NFIB: variants seen among roughly 807,000 people sequenced by gnomAD.
The protein encoded by NFIB is nuclear factor I B, also known as nuclear factor 1 B-type.
NFIB carries 11 observed loss-of-function variants against 61.5 expected under a neutral mutation model. That is an observed-to-expected ratio of 0.18 (90% CI 0.11 to 0.30). The LOEUF (loss-of-function observed/expected upper bound fraction) is 0.30. NFIB is among the 10% of genes least tolerant of loss of function. The pLI, the probability that NFIB is intolerant of heterozygous loss-of-function variation, is 1.00. For missense variants in NFIB, 471 were observed against 608.9 expected (o/e 0.77, Z 2.38); for synonymous variants, 260 against 216.5 (o/e 1.20, Z -1.76).
At chr9:14,171,218 TA>T in intron 3 of NFIB, among the ~76,000 whole-genome samples, 1 of 152,352 alleles carries the variant, frequency 6.6e-6, no homozygotes, top group East Asian at 1.9e-4. Context: ...GTCACGGCTT[TA>T]AATGCTGCTC....
chr9:14,106,286 GCA>G (rs1435631168), intron 10 of NFIB, among the ~76,000 whole-genome samples: 1 of 152,060 alleles, frequency 6.6e-6, no homozygotes, highest in African/African-American at 2.4e-5. Flanking sequence ...TTACAAAAAT[GCA>G]CACTCATATA....
intron 6 of NFIB, among the ~76,000 whole-genome samples, chr9:14,127,847 T>C (rs2039873749): frequency 6.6e-6 from 1 of 151,686 alleles, no homozygotes; most frequent in Non-Finnish European, 1.5e-5. Context: ...GATTTGTAGC[T>C]GTAAGCTACA....
At chr9:14,163,022 T>C (rs2044374266) in intron 3 of NFIB, among the ~76,000 whole-genome samples, 1 of 152,048 alleles carries the variant, frequency 6.6e-6, no homozygotes, top group African/African-American at 2.4e-5. Context: ...TATGTAAACC[T>C]AAGGCAAGCT....
intron 1 of NFIB, among the ~76,000 whole-genome samples, chr9:14,337,088 C>A (rs1425723423): frequency 6.6e-6 from 1 of 152,198 alleles, no homozygotes; most frequent in Non-Finnish European, 1.5e-5. Flanking sequence ...TCGTAGCTCT[C>A]AACCCATATA....
intron 1 of NFIB, among the ~76,000 whole-genome samples, chr9:14,384,927 C>G (rs1381529800): frequency 2.0e-5 from 3 of 152,170 alleles, no homozygotes; most frequent in Non-Finnish European, 4.4e-5. Context: ...GTTAACCCTT[C>G]TCTTGAGTAT....
the NFIB span, among the ~76,000 whole-genome samples, chr9:14,480,289 G>C: frequency 1.2e-4 from 18 of 152,158 alleles, 1 homozygote; most frequent in East Asian, 1.4e-3. Context: ...AACACTTCTT[G>C]ACTCCTAGGC....
At chr9:14,169,789 G>T (rs145738946) in intron 3 of NFIB, among the ~76,000 whole-genome samples, 70 of 152,332 alleles carry the variant, frequency 4.6e-4, no homozygotes, top group African/African-American at 1.5e-3. Context: ...CTGCACTCCA[G>T]CCTGGGCAAC....
At chr9:14,471,844 C>A in the NFIB span, among the ~76,000 whole-genome samples, 194 of 152,310 alleles carry the variant, frequency 1.3e-3, 1 homozygote, top group African/African-American at 4.5e-3. Context: ...CCAGTTGGGA[C>A]AAACAGGAAT....
rs117194191 is a variant in NFIB at position 14,175,202 on chromosome 9, C to T, written c.616+4525G>A. Among the ~76,000 whole-genome samples the T allele has an allele frequency of 2.7e-3, 301 of 112,304 alleles. 1 individual carries two copies. Among genetic ancestry groups the T allele is most frequent in the Non-Finnish European group, 3.5e-3 (212 of 61,244 alleles). The allele number at this position is 112,304 out of a possible 152,430, so 73.7% of individuals were successfully genotyped here. A position where few individuals can be genotyped will look rare whatever the true frequency, so the allele number is the denominator to read the frequency against. The stretch of plus-strand genomic sequence containing the variant: ...TTTTTTTTTTTGAGATGGAGTCTCG[C>T]TCTGTTGTCCAGGATGGCTGGAGTG... On this transcript the variant is annotated intron_variant, in intron 3 of 10. Transcript: ENST00000380953.
chr9:14,391,915 T>C (rs767559597), intron 1 of NFIB, among the ~76,000 whole-genome samples: 18 of 152,174 alleles, frequency 1.2e-4, no homozygotes, highest in Non-Finnish European at 1.8e-4. Flanking sequence ...CCTCAGTCCC[T>C]CCCTCTGCCT....
chr9:14,355,037 A>G (rs1397995227), intron 1 of NFIB, among the ~76,000 whole-genome samples: 3 of 151,478 alleles, frequency 2.0e-5, no homozygotes, highest in Non-Finnish European at 2.9e-5. Context: ...GGATGGGGAG[A>G]TGCTGTGTGT....
intron 2 of NFIB, among the ~76,000 whole-genome samples, chr9:14,217,435 T>G (rs1379791738): frequency 6.6e-6 from 1 of 151,826 alleles, no homozygotes; most frequent in Non-Finnish European, 1.5e-5. Flanking sequence ...CCAAGGTGGG[T>G]GGATCACCTG....
intron 2 of NFIB, among the ~76,000 whole-genome samples, chr9:14,270,211 AAATAAT>A (rs958944705): frequency 2.0e-5 from 3 of 152,160 alleles, no homozygotes; most frequent in South Asian, 2.1e-4. Flanking sequence ...AAAGGGTAAA[AAATAAT>A]AATAATAATC....
At chr9:14,504,103 G>T in the NFIB span, among the ~76,000 whole-genome samples, 1 of 152,102 alleles carries the variant, frequency 6.6e-6, no homozygotes, top group Non-Finnish European at 1.5e-5. Flanking sequence ...GTTTTTGTTT[G>T]CTTTGTCAAA....
At chr9:14,475,343 T>C in the NFIB span, among the ~76,000 whole-genome samples, 1 of 152,182 alleles carries the variant, frequency 6.6e-6, no homozygotes, top group Non-Finnish European at 1.5e-5. Context: ...CAAAATAGGA[T>C]AAGAACCTTT....
At chr9:14,344,428 G>A (rs1293978736) in intron 1 of NFIB, among the ~76,000 whole-genome samples, 1 of 152,008 alleles carries the variant, frequency 6.6e-6, no homozygotes, top group Non-Finnish European at 1.5e-5. Flanking sequence ...GGTAGAGGGA[G>A]TTGTTTGTTT....
At chr9:14,332,801 G>A (rs941295688) in intron 1 of NFIB, among the ~76,000 whole-genome samples, 2 of 152,186 alleles carry the variant, frequency 1.3e-5, no homozygotes, top group African/African-American at 2.4e-5. Context: ...GGAGAGAGAC[G>A]GATGGGGAGT....
chr9:14,088,305 C>A lies in NFIB; in HGVS notation c.*4G>T. Reference sequence around the variant, plus strand: ...TCCTATTTGACACTTGGAAAGGAACCAAGCTAGCCCAGGTACCAGGACTGT... The same window carrying A: ...TCCTATTTGACACTTGGAAAGGAACAAAGCTAGCCCAGGTACCAGGACTGT... On this transcript the variant is annotated 3_prime_UTR_variant, in exon 11 of 11. Coordinates refer to ENST00000380953, the MANE Select transcript of NFIB (RefSeq NM_001190737.2). The A allele has an allele frequency of 6.3e-7, 1 of 1,598,204 alleles. No individual in the cohort carries two copies. The highest frequency in any genetic ancestry group is 8.5e-7 in the Non-Finnish European group (1 of 1,170,132).
At chr9:14,358,474 T>C (rs1044470248) in intron 1 of NFIB, among the ~76,000 whole-genome samples, 2 of 152,306 alleles carry the variant, frequency 1.3e-5, no homozygotes, top group South Asian at 2.1e-4. Flanking sequence ...GGTACGTGCA[T>C]ACCCACAGCA....
Sources: gnomAD v4.1 joint callset for allele counts (sites outside exome capture counted in the v4.1 genomes callset) on GRCh38, gnomAD v4.1.1 for gene constraint, MANE v1.5 for transcripts, NCBI Gene and HGNC (gene_info 2026-07-23, HGNC 2026-07-21) for gene names.